The following DNMT1 variants were observed in gnomAD, a reference collection of about 807,000 sequenced individuals.
DNMT1 encodes DNA (cytosine-5)-methyltransferase 1.
A neutral mutation model predicts 205.3 loss-of-function variants in DNMT1; 24 were observed. The observed-to-expected ratio is 0.12, with a 90% CI of 0.08 to 0.16. The LOEUF is 0.16. Among genes scored for constraint, DNMT1 ranks in the 10% least tolerant of loss-of-function variants. DNMT1 has a pLI of 1.00. For synonymous variants in DNMT1, 817 were observed against 839.8 expected (o/e 0.97, Z 0.47); for missense variants, 1,293 against 2,177.7 (o/e 0.59, Z 8.09).
chr19:10,166,876 AAT>A, intron 10 of DNMT1, among the ~76,000 whole-genome samples, 191 bp from the exon 11 acceptor site: 1 of 152,320 alleles, frequency 6.6e-6, no homozygotes, highest in East Asian at 1.9e-4. Flanking sequence ...GAACACCATC[AAT>A]ACCCCATCTG....
intron 1 of DNMT1, among the ~76,000 whole-genome samples, chr19:10,182,641 T>C (rs1048337619): frequency 6.6e-6 from 1 of 151,342 alleles, no homozygotes; most frequent in Admixed American, 6.6e-5. Context: ...CACACACATA[T>C]ATACATACAT....
rs2038700568 is a variant in DNMT1 at position 10,166,666 on chromosome 19, T to C, written c.823A>G (p.Lys275Glu). 2.5e-6 allele frequency: 4 copies of C among 1,614,174 alleles called. No individual in the cohort carries two copies. The highest frequency in any genetic ancestry group is 2.5e-6 in the Non-Finnish European group (3 of 1,180,018). ...CTGGCTTCTCTGTCCGGCTCCTCCT[T>C]CAGTTTCTGTTTGGGTGTTCTGTCA... ...TKEPTPKQKL[K>E]EEPDREARAG... The change falls in exon 11 of 41, where the codon AAG (lysine) becomes GAG (glutamate). Residue 275 changes from lysine (K) to glutamate (E), a missense_variant. By Grantham distance (56) the Lys-to-Glu change is moderately conservative. Around this residue, in one of 13 missense-constraint regions of DNMT1, gnomAD observed 394 missense variants for 451.6 expected, o/e 0.87. Transcript: ENST00000359526.
At chr19:10,162,085 G>T (rs1023406674) in intron 13 of DNMT1, among the ~76,000 whole-genome samples, 3 of 150,900 alleles carry the variant, frequency 2.0e-5, no homozygotes, top group Admixed American at 6.6e-5. Context: ...CAGGTGATGC[G>T]CCTGCCTTGG....
rs2089547903 is a variant in DNMT1 at position 10,138,899 on chromosome 19, C to T, written c.3949-294G>A. Among the ~76,000 whole-genome samples the T allele has an allele frequency of 6.6e-6, 1 of 152,200 alleles. No homozygotes were observed. The highest frequency in any genetic ancestry group is 2.4e-5 in the African/African-American group (1 of 41,452). ...CTGCAAGGGCCCCAAGGTCTTAGCA[C>T]TCGGGGAGAACACTGGAGACCAGGA... On this transcript the variant is annotated intron_variant, in intron 34 of 40. Transcript: ENST00000359526. The surrounding 1 kb of genome is among the most constrained non-coding windows in gnomAD (Gnocchi z 4.1).
chr19:10,135,398 G>A (rs1257095077), intron 39 of DNMT1: 1 of 385,996 alleles, frequency 2.6e-6, no homozygotes, highest in Non-Finnish European at 5.0e-6. Context: ...CGACACCTGA[G>A]AAGCAGGTAG....
rs2038521291 is a variant in DNMT1 at position 10,159,430 on chromosome 19, A to G, written c.1280+228T>C. 6.6e-6 allele frequency among the ~76,000 whole-genome samples: 1 copy of G among 152,098 alleles called. No individual in the cohort carries two copies. The highest frequency in any genetic ancestry group is 1.5e-5 in the Non-Finnish European group (1 of 68,026). ...CGCCATGTTGGCCAGGCTGGTCTCG[A>G]ACTCCTGACCTGAAGTGATCTGCTC... On this transcript the variant is annotated intron_variant, in intron 17 of 40. Transcript: ENST00000359526. This position sits in a 1 kb window ranked among gnomAD's most constrained non-coding sequence, Gnocchi z 5.0.
At position 10,183,093 on chromosome 19, in the gene DNMT1, ACACG is replaced by A. The variant is rs1236947877; in HGVS notation, c.81-1020_81-1017del. On this transcript the variant is annotated intron_variant, in intron 1 of 40. Transcript: ENST00000359526. The stretch of plus-strand genomic sequence containing the variant: ...TACATATGTGTGTGTATATATATAT[ACACG>A]TATATATACGTGTGTATATATATAT... Among the ~76,000 whole-genome samples the A allele has an allele frequency of 2.6e-3, 370 of 140,066 alleles. 1 individual carries two copies. The highest frequency in any genetic ancestry group is 9.5e-3 in the African/African-American group (331 of 34,788). The allele number at this position is 140,066 out of a possible 152,430, so 91.9% of individuals were successfully genotyped here.
At chr19:10,164,738 G>T (rs574365070) in intron 11 of DNMT1, among the ~76,000 whole-genome samples, 1 of 151,526 alleles carries the variant, frequency 6.6e-6, no homozygotes, top group Non-Finnish European at 1.5e-5. Context: ...GACCAGCCTG[G>T]CCAACATGGT....
intron 1 of DNMT1, 43 bp from the exon 2 acceptor site, chr19:10,182,120 G>A: frequency 2.5e-6 from 4 of 1,586,534 alleles, no homozygotes; most frequent in Non-Finnish European, 3.5e-6. Context: ...CACTTGTTAA[G>A]CAACTTCATT....
Position 10,149,522 on chromosome 19 carries a change from C to T in DNMT1, c.2517G>A (p.Met839Ile). 6.2e-7 allele frequency: 1 copy of T among 1,614,070 alleles called. No individual in the cohort carries two copies. The highest frequency in any genetic ancestry group is 8.5e-7 in the Non-Finnish European group (1 of 1,180,018). Residue 839 changes from methionine (M) to isoleucine (I), a missense_variant, in exon 26 of 41, where the codon ATG becomes ATA. Around this residue, in one of 13 missense-constraint regions of DNMT1, gnomAD observed 197 missense variants for 353.6 expected, o/e 0.56. Transcript: ENST00000359526. Reference protein sequence around the residue: ...ELFLVDECEDMQLSYIHSKVK... With the variant: ...ELFLVDECEDIQLSYIHSKVK... ...CTTTGCTGTGGATATATGAAAGCTG[C>T]ATGTCCTCACATTCATCCACCAAGA...
chr19:10,138,666 AG>A lies in DNMT1; in HGVS notation c.3949-62del. On this transcript the variant is annotated intron_variant, in intron 34 of 40. Transcript: ENST00000359526. The surrounding 1 kb of genome is among the most constrained non-coding windows in gnomAD (Gnocchi z 4.1). ...TGGGACACTCCCAACTGGACTGGCC[AG>A]ACCCAGGCCCAGGGTCAGCAGCCTG... 1 of 1,563,488 alleles carries A rather than the reference AG, an allele frequency of 6.4e-7. No homozygotes were observed. The highest frequency in any genetic ancestry group is 8.6e-7 in the Non-Finnish European group (1 of 1,161,074).
chr19:10,167,929 C>A (rs538063421), intron 10 of DNMT1, among the ~76,000 whole-genome samples: 2 of 152,150 alleles, frequency 1.3e-5, no homozygotes, highest in South Asian at 4.2e-4. Context: ...TCAAGACCAG[C>A]CTGACCAATA....
intron 26 of DNMT1, 33 bp downstream of exon 26, chr19:10,149,420 G>C (rs774141448): frequency 9.3e-6 from 15 of 1,610,604 alleles, no homozygotes; most frequent in Non-Finnish European, 1.3e-5. Flanking sequence ...TCCACGATAA[G>C]GCAGGGGCTC....
intron 9 of DNMT1, among the ~76,000 whole-genome samples, chr19:10,169,865 C>G (rs1201764077): frequency 6.6e-6 from 1 of 152,224 alleles, no homozygotes; most frequent in Admixed American, 6.6e-5. Context: ...CCCCAGGTTC[C>G]TTCTTTGGAA....
chr19:10,185,220 T>C (rs184870501), intron 1 of DNMT1, among the ~76,000 whole-genome samples: 2 of 151,750 alleles, frequency 1.3e-5, no homozygotes, highest in Non-Finnish European at 2.9e-5. Flanking sequence ...GGTCAGGAGA[T>C]GGAGACCATC....
At chr19:10,135,556 C>A (rs1194928035) in intron 39 of DNMT1, 180 bp downstream of exon 39, 6 of 671,766 alleles carry the variant, frequency 8.9e-6, no homozygotes, top group Non-Finnish European at 1.6e-5. Flanking sequence ...AGGGACGCAG[C>A]CTGACTCGGA....
In DNMT1 at chr19:10,166,617, T is replaced by G. The variant is rs1169597458; in HGVS notation, c.872A>C (p.Asp291Ala). 6.2e-7 allele frequency: 1 copy of G among 1,614,074 alleles called. No individual in the cohort carries two copies. The highest frequency in any genetic ancestry group is 1.3e-5 in the African/African-American group (1 of 74,924). Reference protein sequence around the residue: ...EARAGVQADEDEDGDEKDEKK... With the variant: ...EARAGVQADEAEDGDEKDEKK... The stretch of plus-strand genomic sequence containing the variant: ...CTTTACTTTCTCGTCTCCATCTTCG[T>G]CCTCGTCAGCCTGCACGCCTGCCCT... The change falls in exon 11 of 41, where the codon GAC (aspartate) becomes GCC (alanine). Residue 291 changes from aspartate to alanine, a missense_variant. This residue lies in a region of DNMT1 where 394 missense variants were observed against 451.6 expected (regional missense o/e 0.87). Coordinates refer to ENST00000359526, the MANE Select transcript of DNMT1 (RefSeq NM_001130823.3).
In DNMT1 at chr19:10,137,402, G is replaced by A. The variant is rs904011369; in HGVS notation, c.4294-122C>T. On this transcript the variant is annotated intron_variant, in intron 36 of 40. Transcript: ENST00000359526. The surrounding 1 kb of genome is among the most constrained non-coding windows in gnomAD (Gnocchi z 6.4). ...GCCCCCTGGGGCTCACGCCCATCGG[G>A]AAAGAGACAGTCAGGGATATCGCAC... is the stretch of plus-strand genomic sequence containing the variant. 4.8e-6 allele frequency: 6 copies of A among 1,242,828 alleles called. No homozygotes were observed. Among genetic ancestry groups the A allele is most frequent in the Non-Finnish European group, 5.6e-6 (5 of 894,304 alleles). The allele number at this position is 1,242,828 out of a possible 1,614,324, so 77.0% of individuals were successfully genotyped here. A position where few individuals can be genotyped will look rare whatever the true frequency, so the allele number is the denominator to read the frequency against.
At chr19:10,160,222 AG>A (rs1005867236) in intron 14 of DNMT1, 159 bp from the exon 15 acceptor site, 1 of 1,509,836 alleles carries the variant, frequency 6.6e-7, no homozygotes, top group African/African-American at 1.4e-5. Flanking sequence ...TCTTCACCGC[AG>A]GGGCATCCTG....
Sources: allele counts gnomAD v4.1 joint callset (sites outside exome capture counted in the v4.1 genomes callset), GRCh38; gene constraint gnomAD v4.1.1; regional missense constraint gnomAD v4.1.1; non-coding constraint Gnocchi (gnomAD v3.1); transcripts MANE v1.5; gene names NCBI Gene and HGNC (gene_info 2026-07-23, HGNC 2026-07-21).